The following ATRNL1 variants were observed in gnomAD, a reference collection of about 807,000 sequenced individuals.
ATRNL1 encodes the protein attractin like 1.
In ATRNL1, 95 loss-of-function variants were observed where a neutral mutation model predicts 182.7. The observed-to-expected ratio is 0.52, with a 90% CI of 0.44 to 0.62. The LOEUF (loss-of-function observed/expected upper bound fraction) is 0.62, where lower values mean the gene tolerates loss of function less well. Among genes scored for constraint, ATRNL1 ranks in the 20% least tolerant of loss-of-function variants. The probability of loss-of-function intolerance (pLI) is 0.00; values close to 1 mark genes in which losing one functional copy is unlikely to be tolerated. For synonymous variants in ATRNL1, 576 were observed against 568.3 expected (o/e 1.01, Z -0.19); for missense variants, 1,471 against 1,679.5 (o/e 0.88, Z 2.17).
chr10:115,928,724 T>G (rs987539314), intron 28 of ATRNL1, among the ~76,000 whole-genome samples: 2 of 151,960 alleles, frequency 1.3e-5, no homozygotes, highest in Non-Finnish European at 2.9e-5. Flanking sequence ...GAGAAGTATT[T>G]TGCTTCTGTT....
At chr10:115,450,386 T>C (rs1847223344) in intron 21 of ATRNL1, among the ~76,000 whole-genome samples, 2 of 152,170 alleles carry the variant, frequency 1.3e-5, no homozygotes, top group Admixed American at 1.3e-4. Flanking sequence ...GAAAATCCTA[T>C]AGTCTGAGTC....
At chr10:115,350,347 A>C (rs868928392) in intron 19 of ATRNL1, among the ~76,000 whole-genome samples, 27,088 of 74,070 alleles carry the variant, frequency 0.37, 2,957 homozygotes, top group East Asian at 0.46. Flanking sequence ...AAAAAAAAAG[A>C]AAAAAAAAAA....
Position 115,286,883 on chromosome 10 carries a change from A to G in ATRNL1, c.2415+486A>G, listed in dbSNP as rs373485633. ...ATTAGTCTCTAAACAATACGGCATA[A>G]CAGCTATTCAATAACATTTACATTG... On this transcript the variant is annotated intron_variant, in intron 15 of 28. Transcript: ENST00000355044. 1.6e-4 allele frequency among the ~76,000 whole-genome samples: 25 copies of G among 152,096 alleles called. No homozygotes were observed. The East Asian group carries it at 4.2e-3, about 26-fold the overall frequency.
At chr10:115,529,655 T>C (rs192299359) in intron 25 of ATRNL1, among the ~76,000 whole-genome samples, 28 of 152,166 alleles carry the variant, frequency 1.8e-4, no homozygotes, top group African/African-American at 6.3e-4. Flanking sequence ...TCTTTTATCC[T>C]CCTGAATCAT....
chr10:115,364,258 G>A (rs1194198957), intron 19 of ATRNL1, among the ~76,000 whole-genome samples: 1 of 126,144 alleles, frequency 7.9e-6, no homozygotes, highest in South Asian at 3.0e-4. Flanking sequence ...TGGATTCCTA[G>A]GTATTTTATT....
intron 28 of ATRNL1, among the ~76,000 whole-genome samples, chr10:115,880,992 C>A (rs1951814340): frequency 6.6e-6 from 1 of 152,108 alleles, no homozygotes; most frequent in Admixed American, 6.5e-5. Flanking sequence ...TGTCCTAATC[C>A]CCCCGGGGTG....
chr10:115,840,222 G>A (rs1950772229), intron 27 of ATRNL1, among the ~76,000 whole-genome samples: 1 of 151,982 alleles, frequency 6.6e-6, no homozygotes, highest in African/African-American at 2.4e-5. Flanking sequence ...TTGGCATTGG[G>A]ATTAGATTTT....
intron 1 of ATRNL1, among the ~76,000 whole-genome samples, chr10:115,094,640 A>G (rs141845078): frequency 1.8e-4 from 28 of 152,278 alleles, no homozygotes; most frequent in Admixed American, 1.8e-3. Context: ...ATTCCCTACA[A>G]CAACTCTGTG....
At chr10:115,481,595 C>A (rs1848772567) in intron 24 of ATRNL1, among the ~76,000 whole-genome samples, 1 of 150,580 alleles carries the variant, frequency 6.6e-6, no homozygotes, top group Non-Finnish European at 1.5e-5. Flanking sequence ...ACACCAGATC[C>A]CATTCTACCA....
At chr10:115,723,127 C>T (rs1331569249) in intron 26 of ATRNL1, among the ~76,000 whole-genome samples, 6 of 152,038 alleles carry the variant, frequency 3.9e-5, no homozygotes, top group African/African-American at 1.4e-4. Flanking sequence ...CCCAGAAAAG[C>T]ATGGAGACAT....
intron 21 of ATRNL1, among the ~76,000 whole-genome samples, chr10:115,435,147 T>C (rs1179128578): frequency 4.6e-5 from 7 of 151,334 alleles, no homozygotes; most frequent in African/African-American, 7.3e-5. Flanking sequence ...TCCTGAGTAG[T>C]TGGGATTACA....
At chr10:115,821,506 A>G (rs1348824141) in intron 27 of ATRNL1, among the ~76,000 whole-genome samples, 3 of 152,174 alleles carry the variant, frequency 2.0e-5, no homozygotes, top group African/African-American at 7.2e-5. Context: ...ATGGATAAAG[A>G]GTCAAGACCC....
At chr10:115,561,087 T>C (rs1853677337) in intron 26 of ATRNL1, among the ~76,000 whole-genome samples, 1 of 152,150 alleles carries the variant, frequency 6.6e-6, no homozygotes, top group South Asian at 2.1e-4. Context: ...TTCTTGATCT[T>C]TCAGAATCTT....
chr10:115,703,664 A>G (rs572598393), intron 26 of ATRNL1, among the ~76,000 whole-genome samples: 137 of 151,848 alleles, frequency 9.0e-4, no homozygotes, highest in Non-Finnish European at 1.4e-3. Flanking sequence ...AACTTAATAT[A>G]CAAACATATA....
At chr10:115,862,837 A>G (rs1430261352) in intron 28 of ATRNL1, among the ~76,000 whole-genome samples, 4 of 152,234 alleles carry the variant, frequency 2.6e-5, no homozygotes, top group African/African-American at 7.2e-5. Flanking sequence ...TGAATTTGGT[A>G]CATGCATAAA....
chr10:115,756,966 G>T (rs1948606540), intron 27 of ATRNL1, among the ~76,000 whole-genome samples: 1 of 152,034 alleles, frequency 6.6e-6, no homozygotes, highest in African/African-American at 2.4e-5. Context: ...TTTTATTAGA[G>T]ACTAGTATTG....
At chr10:115,664,530 G>C (rs1860889350) in intron 26 of ATRNL1, among the ~76,000 whole-genome samples, 1 of 152,038 alleles carries the variant, frequency 6.6e-6, no homozygotes, top group African/African-American at 2.4e-5. Flanking sequence ...CTATCACGGT[G>C]TATAAATAAG....
At chr10:115,592,874 A>T (rs1486923683) in intron 26 of ATRNL1, among the ~76,000 whole-genome samples, 4 of 152,252 alleles carry the variant, frequency 2.6e-5, no homozygotes, top group African/African-American at 9.6e-5. Context: ...TTTTTAGGGA[A>T]TGTCAGTTCC....
At chr10:115,691,031 C>T (rs923813263) in intron 26 of ATRNL1, among the ~76,000 whole-genome samples, 1 of 152,132 alleles carries the variant, frequency 6.6e-6, no homozygotes, top group African/African-American at 2.4e-5. Flanking sequence ...TCAGGTGTTT[C>T]CTGTGGCATC....
Sources: gnomAD v4.1 joint callset for allele counts (sites outside exome capture counted in the v4.1 genomes callset) on GRCh38, gnomAD v4.1.1 for gene constraint, MANE v1.5 for transcripts, NCBI Gene and HGNC (gene_info 2026-07-23, HGNC 2026-07-21) for gene names.